Variants in ADAM17 observed in about 807,000 individuals in gnomAD.
The protein encoded by ADAM17 is disintegrin and metalloproteinase domain-containing protein 17.
A neutral mutation model predicts 96.7 loss-of-function variants in ADAM17; 39 were observed. That is an observed-to-expected ratio of 0.40 (90% CI 0.31 to 0.53). The LOEUF is 0.53. ADAM17 is among the 20% of genes least tolerant of loss of function. The pLI, the probability that ADAM17 is intolerant of heterozygous loss-of-function variation, is 0.44. For synonymous variants in ADAM17, 344 were observed against 359.2 expected (o/e 0.96, Z 0.48); for missense variants, 777 against 1,013.2 (o/e 0.77, Z 3.17).
chr2:9,547,650 T>C (rs770687087), intron 1 of ADAM17, among the ~76,000 whole-genome samples: 9 of 151,968 alleles, frequency 5.9e-5, no homozygotes, highest in Non-Finnish European at 1.2e-4. Context: ...ACAGAGAGAA[T>C]ATGAAGTGTG....
At chr2:9,498,016 A>G (rs955317798) in intron 13 of ADAM17, among the ~76,000 whole-genome samples, 2 of 152,102 alleles carry the variant, frequency 1.3e-5, no homozygotes, top group Non-Finnish European at 2.9e-5. Context: ...ATATTTCTTA[A>G]ATAAATCAAT....
At position 9,520,964 on chromosome 2, in the gene ADAM17, C is replaced by CAAAAAA. The variant is rs55909096; in HGVS notation, c.957+233_957+238dup. On this transcript the variant is annotated intron_variant, in intron 8 of 18. Coordinates refer to ENST00000310823, the MANE Select transcript of ADAM17 (RefSeq NM_003183.6). The stretch of plus-strand genomic sequence containing the variant: ...GGGCAACAAGAGTGAAACTCTGTCT[C>CAAAAAA]AAAAAAAAAAAAAAAAAAAAAAGGA... Among the ~76,000 whole-genome samples, 63 of 26,286 alleles carry CAAAAAA rather than the reference C, an allele frequency of 2.4e-3. 2 individuals carry two copies. Among genetic ancestry groups the CAAAAAA allele is most frequent in the African/African-American group, 3.6e-3 (29 of 8,076 alleles). 17.2% of individuals were successfully genotyped at this position (26,286 alleles called of 152,430 possible). A position where few individuals can be genotyped will look rare whatever the true frequency, so the allele number is the denominator to read the frequency against.
At chr2:9,552,659 CCT>C (rs1372035949) in intron 1 of ADAM17, among the ~76,000 whole-genome samples, 1 of 152,168 alleles carries the variant, frequency 6.6e-6, no homozygotes, top group Non-Finnish European at 1.5e-5. Flanking sequence ...CCCACTACAT[CCT>C]CTTTTATTAA....
chr2:9,503,942 C>CA (rs1663198717), intron 12 of ADAM17, among the ~76,000 whole-genome samples: 1 of 151,998 alleles, frequency 6.6e-6, no homozygotes, highest in East Asian at 1.9e-4. Flanking sequence ...CACTTGAGCC[C>CA]AGGACTTTAC....
chr2:9,551,499 G>A (rs530668126), intron 1 of ADAM17, among the ~76,000 whole-genome samples: 1 of 152,012 alleles, frequency 6.6e-6, no homozygotes, highest in East Asian at 1.9e-4. Flanking sequence ...TTGCTCTGTC[G>A]CCCAGGCTGG....
rs200520450 is a variant in ADAM17, at chr2:9,555,643, G to C, written c.-38C>G. 1.7e-4 allele frequency: 255 copies of C among 1,495,162 alleles called. 1 individual carries two copies. Among genetic ancestry groups the C allele is most frequent in the Non-Finnish European group, 7.2e-6 (8 of 1,110,858 alleles). The allele number at this position is 1,495,162 out of a possible 1,614,324, so 92.6% of individuals were successfully genotyped here. A position where few individuals can be genotyped will look rare whatever the true frequency, so the allele number is the denominator to read the frequency against. On this transcript the variant is annotated 5_prime_UTR_variant, in exon 1 of 19. Coordinates refer to ENST00000310823, the MANE Select transcript of ADAM17 (RefSeq NM_003183.6). ...GCTACCGACTCCACCTCTCTGGGCA[G>C]CCTTCGCCTGACGGGGTTTCGGAAA... is the stretch of plus-strand genomic sequence containing the variant.
chr2:9,526,258 G>C lies in ADAM17; in HGVS notation c.620-14C>G. 6.2e-7 allele frequency: 1 copy of C among 1,609,150 alleles called. No individual in the cohort carries two copies. Among genetic ancestry groups the C allele is most frequent in the Non-Finnish European group, 8.5e-7 (1 of 1,178,342 alleles). On this transcript the variant is annotated splice_polypyrimidine_tract_variant and intron_variant, in intron 5 of 18. Coordinates refer to ENST00000310823, the MANE Select transcript of ADAM17 (RefSeq NM_003183.6). The stretch of plus-strand genomic sequence containing the variant: ...GATGAACAAGCTCTAATATGAATTT[G>C]TATGCACTATTAAATCAAAATTCAC...
At chr2:9,511,294 C>T (rs939559161) in intron 10 of ADAM17, among the ~76,000 whole-genome samples, 1 of 151,848 alleles carries the variant, frequency 6.6e-6, no homozygotes, top group Admixed American at 6.6e-5. Flanking sequence ...ACTAAAAATA[C>T]AAAAAATTAG....
Position 9,521,208 on chromosome 2 carries a change from G to A in ADAM17, c.952C>T (p.Leu318=). The change falls in exon 8 of 19, where the codon CTA becomes TTA. Residue 318 remains leucine (L), a synonymous_variant. Coordinates refer to ENST00000310823, the MANE Select transcript of ADAM17 (RefSeq NM_003183.6). ...TCCAGGATTCTAAGACCTACCTCTAGCAACATCTTCACATCCCAAGCATCC... is the reference window on the plus strand; with the variant it reads ...TCCAGGATTCTAAGACCTACCTCTAACAACATCTTCACATCCCAAGCATCC... The part of the protein sequence containing the change: ...EKDAWDVKML[L]EQFSFDIAEE... 6.3e-7 allele frequency: 1 copy of A among 1,596,638 alleles called. No individual in the cohort carries two copies. Among genetic ancestry groups the A allele is most frequent in the Non-Finnish European group, 8.6e-7 (1 of 1,164,534 alleles).
chr2:9,530,842 G>A (rs1196329446), intron 4 of ADAM17, among the ~76,000 whole-genome samples: 1 of 152,196 alleles, frequency 6.6e-6, no homozygotes, highest in African/African-American at 2.4e-5. Flanking sequence ...GAAAAAAAGA[G>A]AGAAAGCTAA....
intron 1 of ADAM17, among the ~76,000 whole-genome samples, chr2:9,553,800 A>G (rs1046617333): frequency 6.6e-5 from 10 of 152,328 alleles, no homozygotes; most frequent in African/African-American, 2.4e-4. Flanking sequence ...GCGGTGGTTC[A>G]TGCCTGTAAT....
intron 1 of ADAM17, among the ~76,000 whole-genome samples, chr2:9,549,798 C>T (rs1665526224): frequency 1.3e-5 from 2 of 152,266 alleles, no homozygotes; most frequent in African/African-American, 4.8e-5. Flanking sequence ...AGATGACAGT[C>T]GTGAGCCACC....
chr2:9,534,712 GA>G lies in ADAM17; in HGVS notation c.450+1121del, dbSNP rs946956175. ...ATATTTATTTGTGTATTTACACATA[GA>G]AAAAAAAATTTGGAAGGATGTCTGT... On this transcript the variant is annotated intron_variant, in intron 4 of 18. Transcript: ENST00000310823. 6.5e-4 allele frequency among the ~76,000 whole-genome samples: 99 copies of G among 151,544 alleles called. 1 individual carries two copies. The highest frequency in any genetic ancestry group is 2.2e-3 in the African/African-American group (92 of 41,348).
intron 8 of ADAM17, among the ~76,000 whole-genome samples, chr2:9,519,116 A>T (rs1167763681): frequency 6.6e-6 from 1 of 151,724 alleles, no homozygotes; most frequent in Non-Finnish European, 1.5e-5. Flanking sequence ...CTAGCCTTGA[A>T]CTCCTGGGCT....
Position 9,490,087 on chromosome 2 carries a change from AG to A in ADAM17, c.*89del. On this transcript the variant is annotated 3_prime_UTR_variant, in exon 19 of 19. Coordinates refer to ENST00000310823, the MANE Select transcript of ADAM17 (RefSeq NM_003183.6). ...ACCAGCATCTGCTAAGTCACTTCCC[AG>A]TCTTCACAAAATACAAGCTGTGATT... The A allele has an allele frequency of 8.0e-7, 1 of 1,244,654 alleles. No individual in the cohort carries two copies. Among genetic ancestry groups the A allele is most frequent in the South Asian group, 1.5e-5 (1 of 65,700 alleles). The allele number at this position is 1,244,654 out of a possible 1,614,324, so 77.1% of individuals were successfully genotyped here.
chr2:9,538,953 C>T (rs1195932708), intron 2 of ADAM17, among the ~76,000 whole-genome samples: 2 of 152,158 alleles, frequency 1.3e-5, no homozygotes, highest in East Asian at 1.9e-4. Flanking sequence ...ACTTTCATTT[C>T]TTTATCAGTT....
At position 9,497,101 on chromosome 2, in the gene ADAM17, T is replaced by A; in HGVS notation, c.1783+13A>T. ...TTTTCTCCTGCTGCTGGACTGGGAA[T>A]AAAACTGCTCACCATTACATGCACA... On this transcript the variant is annotated intron_variant, in intron 14 of 18. Coordinates refer to ENST00000310823, the MANE Select transcript of ADAM17 (RefSeq NM_003183.6). 1.2e-6 allele frequency: 2 copies of A among 1,612,538 alleles called. No homozygotes were observed. The highest frequency in any genetic ancestry group is 4.5e-5 in the East Asian group (2 of 44,804).
At chr2:9,521,153 C>T in intron 8 of ADAM17, 50 bp downstream of exon 8, 7 of 1,387,168 alleles carry the variant, frequency 5.0e-6, no homozygotes, top group Non-Finnish European at 7.2e-6. Flanking sequence ...ATCCACATAT[C>T]AGAAATGACA....
At position 9,543,292 on chromosome 2, in the gene ADAM17, T is replaced by A. The variant is rs1385743783; in HGVS notation, c.98-7A>T. 1.3e-6 allele frequency: 2 copies of A among 1,579,720 alleles called. No individual in the cohort carries two copies. Among genetic ancestry groups the A allele is most frequent in the Admixed American group, 3.9e-5 (2 of 51,650 alleles). ...AGCAAAGAATCAAGCTTCTCTGAAA[T>A]AAAGGTAAAAAAGGTATTAGCATCT... is the stretch of plus-strand genomic sequence containing the variant. On this transcript the variant is annotated splice_polypyrimidine_tract_variant and splice_region_variant and intron_variant, in intron 1 of 18. Coordinates refer to ENST00000310823, the MANE Select transcript of ADAM17 (RefSeq NM_003183.6).
Sources: allele counts gnomAD v4.1 joint callset (sites outside exome capture counted in the v4.1 genomes callset), GRCh38; gene constraint gnomAD v4.1.1; transcripts MANE v1.5; gene names NCBI Gene and HGNC (gene_info 2026-07-23, HGNC 2026-07-21).